Variants in DOP1B observed in about 807,000 individuals in gnomAD.
DOP1B encodes protein DOP1B.
A neutral mutation model predicts 233.5 loss-of-function variants in DOP1B; 174 were observed. The observed-to-expected ratio is 0.75, with a 90% confidence interval of 0.66 to 0.85. DOP1B has a LOEUF of 0.85. DOP1B is among the 40% of genes least tolerant of loss of function. The pLI is 0.00. For synonymous variants in DOP1B, 1,190 were observed against 1,185.6 expected (o/e 1.00, Z -0.08); for missense variants, 2,652 against 2,846.6 (o/e 0.93, Z 1.56).
At chr21:36,275,409 T>C (rs921928580) in intron 27 of DOP1B, among the ~76,000 whole-genome samples, 3 of 152,046 alleles carry the variant, frequency 2.0e-5, no homozygotes, top group African/African-American at 7.2e-5. Flanking sequence ...AGCAGTTTGC[T>C]TGAGCCCAGG....
intron 16 of DOP1B, 32 bp downstream of exon 16, chr21:36,237,446 C>T: frequency 6.2e-7 from 1 of 1,611,824 alleles, no homozygotes; most frequent in Non-Finnish European, 8.5e-7. Context: ...CTCCATCCTG[C>T]AGCACCCCGG....
intron 21 of DOP1B, among the ~76,000 whole-genome samples, chr21:36,250,573 A>G (rs563848985): frequency 5.3e-5 from 8 of 152,352 alleles, no homozygotes; most frequent in Non-Finnish European, 5.9e-5. Context: ...TAGGATTTAC[A>G]GAGCGAGAAA....
chr21:36,206,804 T>C (rs1026238091), intron 4 of DOP1B, among the ~76,000 whole-genome samples: 4 of 152,252 alleles, frequency 2.6e-5, no homozygotes, highest in African/African-American at 7.2e-5. Flanking sequence ...CAGCCTTTAA[T>C]AGAAGACCAA....
chr21:36,205,117 G>A (rs2066412899), intron 4 of DOP1B, among the ~76,000 whole-genome samples: 1 of 152,206 alleles, frequency 6.6e-6, no homozygotes, highest in African/African-American at 2.4e-5. Flanking sequence ...TTGTACCAAA[G>A]CGGTGCTGTC....
chr21:36,186,600 A>G (rs1387922929), intron 2 of DOP1B, among the ~76,000 whole-genome samples: 2 of 152,012 alleles, frequency 1.3e-5, no homozygotes, highest in African/African-American at 2.4e-5. Context: ...TGAGTAGGTG[A>G]TGGTATATTT....
chr21:36,198,631 A>C (rs1021673892), intron 2 of DOP1B, among the ~76,000 whole-genome samples: 5 of 152,038 alleles, frequency 3.3e-5, no homozygotes, highest in African/African-American at 1.2e-4. Flanking sequence ...GCTTGGGACT[A>C]CCATTGCTCC....
At position 36,246,244 on chromosome 21, in the gene DOP1B, A is replaced by T; in HGVS notation, c.4264A>T (p.Ser1422Cys). ...GCCAGAGGACAGCCTCTTTGAGGAG[A>T]GTCTCATTAACTTGGGTCAGGACCA... ...ALPEDSLFEE[S>C]LINLGQDQIW... The change falls in exon 19 of 37, where the codon AGT (serine) becomes TGT (cysteine). Residue 1422 changes from serine (S) to cysteine (C), a missense_variant. Transcript: ENST00000691173. This position sits in a 1 kb window ranked among gnomAD's most constrained non-coding sequence, Gnocchi z 5.1. 6.2e-7 allele frequency: 1 copy of T among 1,613,818 alleles called. No homozygotes were observed. Among genetic ancestry groups the T allele is most frequent in the Non-Finnish European group, 8.5e-7 (1 of 1,180,020 alleles).
rs180703701 is a variant in DOP1B at position 36,287,984 on chromosome 21, T to A, written c.6161-30T>A. ...TAAGAAACCCTAAACTGCATATTTG[T>A]GTAACATCTTTACAATCTTCTTTCC... On this transcript the variant is annotated intron_variant, in intron 32 of 36. Coordinates refer to ENST00000691173, the MANE Select transcript of DOP1B (RefSeq NM_001320714.2). 1.9e-6 allele frequency: 3 copies of A among 1,605,086 alleles called. No homozygotes were observed. In the African/African-American group the frequency reaches 4.0e-5, roughly 22 times the overall value.
At chr21:36,253,431 C>T (rs1413904321) in intron 22 of DOP1B, among the ~76,000 whole-genome samples, 2 of 152,154 alleles carry the variant, frequency 1.3e-5, no homozygotes, top group Admixed American at 1.3e-4. Flanking sequence ...TTAAAACAGG[C>T]CGGGCGCGGT....
At position 36,251,102 on chromosome 21, in the gene DOP1B, G is replaced by A. The variant is rs546046101; in HGVS notation, c.4999-60G>A. On this transcript the variant is annotated intron_variant, in intron 21 of 36. Coordinates refer to ENST00000691173, the MANE Select transcript of DOP1B (RefSeq NM_001320714.2). ...GTATGGACAGCAGTGGTGGTTCAAT[G>A]TATATGATGCCATAGCCCCAATATT... 16 of 1,570,186 alleles carry A rather than the reference G, an allele frequency of 1.0e-5. No individual in the cohort carries two copies. In the African/African-American group the frequency reaches 1.5e-4, roughly 15 times the overall value.
chr21:36,196,270 C>T (rs1051192710), intron 2 of DOP1B, among the ~76,000 whole-genome samples: 7 of 152,168 alleles, frequency 4.6e-5, no homozygotes, highest in African/African-American at 1.7e-4. Flanking sequence ...CTCTTGAATC[C>T]ATGGAGAAAG....
chr21:36,232,685 T>C lies in DOP1B; in HGVS notation c.2351-119T>C. 2.9e-6 allele frequency: 4 copies of C among 1,383,038 alleles called. No individual in the cohort carries two copies. In the South Asian group the frequency reaches 4.0e-5, roughly 14 times the overall value. 85.7% of individuals were successfully genotyped at this position (1,383,038 alleles called of 1,614,324 possible). The stretch of plus-strand genomic sequence containing the variant: ...CACCAGCGGGAGGTTAGCGCACTGC[T>C]GTCCAGGTGGATTTCTCAGGTAACT... On this transcript the variant is annotated intron_variant, in intron 14 of 36. Coordinates refer to ENST00000691173, the MANE Select transcript of DOP1B (RefSeq NM_001320714.2).
rs769005302 is a variant in DOP1B, at chr21:36,253,773, T to G, written c.5123T>G (p.Ile1708Ser). 12 of 1,610,186 alleles carry G rather than the reference T, an allele frequency of 7.5e-6. No individual in the cohort carries two copies. Among genetic ancestry groups the G allele is most frequent in the Non-Finnish European group, 1.0e-5 (12 of 1,178,208 alleles). ...KKAQRHSKMK[I>S]IPTASASQLT... Reference sequence around the variant, plus strand: ...AGGAACTTTTTTTTTTCTTGGCAGATTATCCCAACGGCAAGTGCATCCCAG... The same window carrying G: ...AGGAACTTTTTTTTTTCTTGGCAGAGTATCCCAACGGCAAGTGCATCCCAG... The change falls in exon 23 of 37, where the codon ATT becomes AGT. Residue 1708 changes from isoleucine (I) to serine (S), a missense_variant and splice_region_variant. Ile to Ser is a moderately radical substitution (Grantham distance 142). This residue lies in a region of DOP1B where 2,617 missense variants were observed against 2,794.3 expected (regional missense o/e 0.94). Coordinates refer to ENST00000691173, the MANE Select transcript of DOP1B (RefSeq NM_001320714.2).
At chr21:36,237,549 G>C in intron 16 of DOP1B, 135 bp downstream of exon 16, 1 of 1,178,494 alleles carries the variant, frequency 8.5e-7, no homozygotes, top group Non-Finnish European at 1.2e-6. Flanking sequence ...AATAAGCAGA[G>C]GTGTTCTAGG....
intron 21 of DOP1B, among the ~76,000 whole-genome samples, chr21:36,249,128 A>G (rs1302918756): frequency 6.6e-6 from 1 of 151,226 alleles, no homozygotes; most frequent in Non-Finnish European, 1.5e-5. Flanking sequence ...AATAATTAAA[A>G]TAAATAAAGT....
chr21:36,248,647 G>A, intron 21 of DOP1B, 79 bp downstream of exon 21: 3 of 1,401,780 alleles, frequency 2.1e-6, no homozygotes, highest in Non-Finnish European at 2.8e-6. Context: ...ATAGGAAAGT[G>A]TGCATGATAA....
At chr21:36,247,792 ACGTATGCAAATG>A (rs1339975848) in intron 20 of DOP1B, among the ~76,000 whole-genome samples, 164 bp downstream of exon 20, 3 of 152,282 alleles carry the variant, frequency 2.0e-5, no homozygotes, top group Admixed American at 2.0e-4. Flanking sequence ...TCACGTACAC[ACGTATGCAAATG>A]CATGTGTGTT....
Position 36,210,836 on chromosome 21 carries a change from T to C in DOP1B, c.682-717T>C, listed in dbSNP as rs191875195. Among the ~76,000 whole-genome samples the C allele has an allele frequency of 5.2e-4, 79 of 152,166 alleles. No individual in the cohort carries two copies. The East Asian group carries it at 9.5e-3, about 18-fold the overall frequency. On this transcript the variant is annotated intron_variant, in intron 5 of 36. Transcript: ENST00000691173. ...CAAAGAAAATAAAAAAATAAAAATA[T>C]CTGACTTCCCATTGCCAACAGCTAT... is the stretch of plus-strand genomic sequence containing the variant.
chr21:36,277,891 C>G (rs2067370281), intron 28 of DOP1B, 84 bp from the exon 29 acceptor site: 2 of 1,114,460 alleles, frequency 1.8e-6, no homozygotes, highest in Non-Finnish European at 2.7e-6. Context: ...ATCCGCCCTC[C>G]TCAGCCTCCC....
Sources: allele counts gnomAD v4.1 joint callset (sites outside exome capture counted in the v4.1 genomes callset), GRCh38; gene constraint gnomAD v4.1.1; regional missense constraint gnomAD v4.1.1; non-coding constraint Gnocchi (gnomAD v3.1); transcripts MANE v1.5; gene names NCBI Gene and HGNC (gene_info 2026-07-23, HGNC 2026-07-21).